Variants in KPNB1 observed in about 807,000 individuals in gnomAD.
KPNB1 encodes the protein karyopherin subunit beta 1.
Under a neutral mutation model 113.0 loss-of-function variants are expected in KPNB1, and 7 were observed. The ratio of observed to expected loss-of-function variants is 0.06; its 90% CI spans 0.04 to 0.12. KPNB1 has a LOEUF of 0.12. Ranked by LOEUF, KPNB1 falls within the 10% of genes least tolerant of loss-of-function variation. The pLI is 1.00. For missense variants in KPNB1, 400 were observed against 1,054.8 expected, an observed-to-expected ratio of 0.38 and a Z score of 8.60; for synonymous variants, 363 against 378.6, an observed-to-expected ratio of 0.96 and a Z score of 0.48.
chr17:47,667,143 G>A (rs922293400), intron 9 of KPNB1, among the ~76,000 whole-genome samples: 2 of 151,006 alleles, frequency 1.3e-5, no homozygotes, highest in African/African-American at 4.9e-5. Flanking sequence ...TGGCGTTGGG[G>A]GGTACAGAGT....
intron 15 of KPNB1, 35 bp from the exon 16 acceptor site, chr17:47,676,374 G>T: frequency 6.9e-7 from 1 of 1,459,130 alleles, no homozygotes; most frequent in Non-Finnish European, 9.6e-7. Context: ...TTAACCCGTG[G>T]TGCTGTCATT....
Position 47,652,854 on chromosome 17 carries a change from C to A in KPNB1, c.260C>A (p.Ala87Asp). The change falls in exon 3 of 22, where the codon GCT becomes GAT. Residue 87 changes from alanine (A) to aspartate (D), a missense_variant. By Grantham distance (126) the Ala-to-Asp change is moderately radical. Transcript: ENST00000290158. ...AGGTGGCTTGCTATTGATGCTAATG[C>A]TCGACGAGAAGTCAAGAACTATGTG... ...QQRWLAIDAN[A>D]RREVKNYVLQ... 1 of 1,599,754 alleles carries A rather than the reference C, an allele frequency of 6.3e-7. No homozygotes were observed. Among genetic ancestry groups the A allele is most frequent in the Non-Finnish European group, 8.5e-7 (1 of 1,174,906 alleles).
At chr17:47,651,000 C>G (rs1179756931) in intron 2 of KPNB1, among the ~76,000 whole-genome samples, 1 of 152,142 alleles carries the variant, frequency 6.6e-6, no homozygotes, top group African/African-American at 2.4e-5. Context: ...ATATTTTTCC[C>G]TCTTTGCTCG....
intron 12 of KPNB1, among the ~76,000 whole-genome samples, 173 bp downstream of exon 12, chr17:47,671,005 C>T (rs2030427881): frequency 1.3e-5 from 2 of 152,234 alleles, no homozygotes; most frequent in Admixed American, 6.5e-5. Flanking sequence ...CCTATATTCC[C>T]AGCACTTTGG....
At chr17:47,650,595 C>T (rs1280989432) in intron 2 of KPNB1, 151 bp downstream of exon 2, 5 of 735,866 alleles carry the variant, frequency 6.8e-6, no homozygotes, top group Non-Finnish European at 1.1e-5. Context: ...CCCGGTCCAA[C>T]CTAACCCCGC....
rs2030087819 is a variant in KPNB1, at chr17:47,661,330, T to A, written c.696+152T>A. The A allele has an allele frequency of 4.8e-5, 33 of 689,432 alleles. No individual in the cohort carries two copies. In the East Asian group the frequency reaches 8.9e-4, roughly 19 times the overall value. 42.7% of individuals were successfully genotyped at this position (689,432 alleles called of 1,614,324 possible). On this transcript the variant is annotated intron_variant, in intron 6 of 21. Coordinates refer to ENST00000290158, the MANE Select transcript of KPNB1 (RefSeq NM_002265.6). ...TAATTAATATTCTGGCTGGGCATGG[T>A]GGCTCACACCTGTAATCCCAGCACT...
rs759191227 is a variant in KPNB1 at position 47,650,222 on chromosome 17, T to C, written c.-23T>C. On this transcript the variant is annotated 5_prime_UTR_variant, in exon 1 of 22. Transcript: ENST00000290158. ...GGCCGGGCCGTCGTCTTAGGAGGAG[T>C]CGCCGCCGCCGCCACCTCCGCCATG... 1.4e-6 allele frequency: 2 copies of C among 1,418,934 alleles called. No individual in the cohort carries two copies. The highest frequency in any genetic ancestry group is 1.6e-5 in the African/African-American group (1 of 63,122). The allele number at this position is 1,418,934 out of a possible 1,614,324, so 87.9% of individuals were successfully genotyped here.
intron 5 of KPNB1, among the ~76,000 whole-genome samples, chr17:47,660,541 G>A (rs927261070): frequency 6.6e-6 from 1 of 152,132 alleles, no homozygotes; most frequent in African/African-American, 2.4e-5. Context: ...ACTTCAGCTG[G>A]GTTTTTACCA....
intron 9 of KPNB1, 59 bp downstream of exon 9, chr17:47,665,217 T>C (rs1402541555): frequency 1.5e-6 from 2 of 1,367,298 alleles, no homozygotes; most frequent in South Asian, 1.2e-5. Context: ...GAGTAAACTG[T>C]GGAAACTTTC....
At chr17:47,669,144 A>T (rs1055196557) in intron 10 of KPNB1, among the ~76,000 whole-genome samples, 2 of 151,788 alleles carry the variant, frequency 1.3e-5, no homozygotes, top group African/African-American at 4.8e-5. Flanking sequence ...TCTGTCACCC[A>T]TGCTGGAGTG....
chr17:47,669,006 T>C (rs1217850010), intron 10 of KPNB1, among the ~76,000 whole-genome samples: 2 of 112,076 alleles, frequency 1.8e-5, no homozygotes, highest in East Asian at 6.6e-4. Context: ...AGTTTAGTGC[T>C]TAAAGAATTC....
intron 7 of KPNB1, 29 bp downstream of exon 7, chr17:47,663,207 C>A (rs1310800143): frequency 8.6e-7 from 1 of 1,168,522 alleles, no homozygotes; most frequent in Non-Finnish European, 1.3e-6. Flanking sequence ...GTGATTTGAG[C>A]TTGTGGCTAA....
At chr17:47,661,498 A>G (rs940838257) in intron 6 of KPNB1, among the ~76,000 whole-genome samples, 1 of 152,052 alleles carries the variant, frequency 6.6e-6, no homozygotes, top group Non-Finnish European at 1.5e-5. Context: ...GCTGCTGGGG[A>G]GGCTGAGGTA....
At chr17:47,650,696 C>G (rs944183740) in intron 2 of KPNB1, among the ~76,000 whole-genome samples, 1 of 152,176 alleles carries the variant, frequency 6.6e-6, no homozygotes, top group African/African-American at 2.4e-5. Context: ...AATCGTTGCG[C>G]GGCCTGAGGG....
intron 17 of KPNB1, 39 bp from the exon 18 acceptor site, chr17:47,678,007 G>A (rs773707355): frequency 1.2e-5 from 19 of 1,595,102 alleles, no homozygotes; most frequent in Middle Eastern, 1.7e-4. Flanking sequence ...GACCAAACAA[G>A]TTTTGACTTA....
At chr17:47,677,467 C>T (rs532694090) in intron 17 of KPNB1, among the ~76,000 whole-genome samples, 2 of 133,214 alleles carry the variant, frequency 1.5e-5, no homozygotes, top group East Asian at 2.1e-4. Flanking sequence ...AGCCAAACTC[C>T]GTCTCAAAAA....
In KPNB1 at chr17:47,650,283, C is replaced by A; in HGVS notation, c.39C>A (p.Pro13=). The part of the protein sequence containing the change: ...LITILEKTVS[P]DRLELEAAQK... ...CCATTCTCGAGAAGACCGTGTCTCC[C>A]GGTAGGACGCAGGAGCCGGGGGTAG... Residue 13 remains proline, a splice_region_variant and synonymous_variant, in exon 1 of 22, where the codon CCC becomes CCA. Transcript: ENST00000290158. The A allele has an allele frequency of 6.2e-7, 1 of 1,604,638 alleles. No homozygotes were observed.
chr17:47,652,434 T>G (rs1597921217), intron 2 of KPNB1, among the ~76,000 whole-genome samples: 1 of 152,162 alleles, frequency 6.6e-6, no homozygotes, highest in East Asian at 1.9e-4. Flanking sequence ...AGAATGATCT[T>G]GATAGGGAAA....
At chr17:47,652,155 G>T (rs990799935) in intron 2 of KPNB1, among the ~76,000 whole-genome samples, 2 of 152,084 alleles carry the variant, frequency 1.3e-5, no homozygotes, top group South Asian at 4.1e-4. Context: ...TCTCATAAAA[G>T]ATCACCTCCT....
Sources: gnomAD v4.1 joint callset for allele counts (sites outside exome capture counted in the v4.1 genomes callset) on GRCh38, gnomAD v4.1.1 for gene constraint, MANE v1.5 for transcripts, NCBI Gene and HGNC (gene_info 2026-07-23, HGNC 2026-07-21) for gene names.